Variants in WWOX observed in about 807,000 individuals in gnomAD.
WWOX encodes the protein WW domain-containing oxidoreductase.
A neutral mutation model predicts 46.2 loss-of-function variants in WWOX; 69 were observed. That is an observed-to-expected ratio of 1.49 (90% confidence interval 1.23 to 1.82). WWOX has a LOEUF of 1.82. Among genes scored for constraint, WWOX ranks in the 40% most tolerant of loss-of-function variants. The pLI, the probability that WWOX is intolerant of heterozygous loss-of-function variation, is 0.00. For synonymous variants in WWOX, 359 were observed against 202.6 expected, an observed-to-expected ratio of 1.77 and a Z score of -6.56; for missense variants, 919 against 542.6, an observed-to-expected ratio of 1.69 and a Z score of -6.89.
At chr16:78,229,100 C>T (rs113105941) in intron 5 of WWOX, among the ~76,000 whole-genome samples, 19 of 152,256 alleles carry the variant, frequency 1.2e-4, no homozygotes, top group African/African-American at 4.3e-4. Flanking sequence ...TCTGTAGCTT[C>T]TTCCAGCATG....
intron 8 of WWOX, among the ~76,000 whole-genome samples, chr16:79,037,711 A>G (rs1238852849): frequency 6.6e-6 from 1 of 152,126 alleles, no homozygotes; most frequent in Non-Finnish European, 1.5e-5. Context: ...AGCCAGGTAA[A>G]TATGTCATTG....
chr16:78,280,869 A>T (rs1487786519), intron 5 of WWOX: 1 of 152,790 alleles, frequency 6.5e-6, no homozygotes, highest in Non-Finnish European at 1.5e-5. Context: ...CTGAATCATC[A>T]GAATTGTGTA....
intron 7 of WWOX, among the ~76,000 whole-genome samples, chr16:78,429,213 A>G (rs2151382414): frequency 6.6e-6 from 1 of 152,334 alleles, no homozygotes; most frequent in South Asian, 2.1e-4. Context: ...TGGTGATGAC[A>G]GAGGAGCAAT....
At chr16:78,575,428 C>G (rs924499805) in intron 8 of WWOX, among the ~76,000 whole-genome samples, 1 of 151,508 alleles carries the variant, frequency 6.6e-6, no homozygotes, top group East Asian at 2.0e-4. Flanking sequence ...TTACACCTAC[C>G]CATTAGTCTA....
intron 8 of WWOX, among the ~76,000 whole-genome samples, chr16:79,149,224 T>G (rs1346396820): frequency 6.6e-6 from 1 of 152,222 alleles, no homozygotes; most frequent in African/African-American, 2.4e-5. Flanking sequence ...CCTAAATTAC[T>G]AAGAAACTTT....
At chr16:78,364,878 G>T (rs1421920319) in intron 5 of WWOX, among the ~76,000 whole-genome samples, 1 of 152,022 alleles carries the variant, frequency 6.6e-6, no homozygotes, top group Admixed American at 6.6e-5. Context: ...GCCTTTTTCT[G>T]ATTTTTCTTG....
chr16:78,625,575 T>A (rs1446716847), intron 8 of WWOX, among the ~76,000 whole-genome samples: 1 of 152,072 alleles, frequency 6.6e-6, no homozygotes, highest in Admixed American at 6.5e-5. Flanking sequence ...TAACGTCTTA[T>A]GTTATTTGGT....
intron 8 of WWOX, among the ~76,000 whole-genome samples, chr16:78,795,933 G>C (rs538358783): frequency 2.6e-5 from 4 of 152,188 alleles, no homozygotes; most frequent in African/African-American, 9.7e-5. Context: ...GAACGAAATG[G>C]AAGATAATTG....
chr16:79,139,675 C>G (rs1163539548), intron 8 of WWOX, among the ~76,000 whole-genome samples: 1 of 151,646 alleles, frequency 6.6e-6, no homozygotes, highest in African/African-American at 2.4e-5. Flanking sequence ...TTTAAAATCT[C>G]CAAATAATAA....
chr16:78,295,310 G>A (rs562824453), intron 5 of WWOX, among the ~76,000 whole-genome samples: 1 of 152,270 alleles, frequency 6.6e-6, no homozygotes, highest in Non-Finnish European at 1.5e-5. Flanking sequence ...AACAGCAGTT[G>A]GCGAGTTTAA....
At chr16:78,786,873 C>T (rs750874667) in intron 8 of WWOX, among the ~76,000 whole-genome samples, 36 of 152,138 alleles carry the variant, frequency 2.4e-4, no homozygotes, top group Admixed American at 6.5e-5. Flanking sequence ...TGGGGCTGGG[C>T]GTGGTGACTC....
At chr16:78,994,841 C>G (rs533629352) in intron 8 of WWOX, among the ~76,000 whole-genome samples, 129 of 151,826 alleles carry the variant, frequency 8.5e-4, no homozygotes, top group African/African-American at 2.7e-3. Flanking sequence ...CACTAGGGCT[C>G]TTTTCAGGAG....
At chr16:78,993,301 G>C (rs1224455764) in intron 8 of WWOX, among the ~76,000 whole-genome samples, 1 of 151,952 alleles carries the variant, frequency 6.6e-6, no homozygotes, top group Non-Finnish European at 1.5e-5. Flanking sequence ...CCCTGAAATT[G>C]CTTTTTATAA....
chr16:78,385,160 C>CACACACACACAA (rs1437530466), intron 5 of WWOX, among the ~76,000 whole-genome samples: 1 of 151,780 alleles, frequency 6.6e-6, no homozygotes. Context: ...CACACACACA[C>CACACACACACAA]AAAAGCACAG....
chr16:78,416,097 C>G (rs953252714), intron 6 of WWOX, among the ~76,000 whole-genome samples: 1 of 152,112 alleles, frequency 6.6e-6, no homozygotes, highest in Non-Finnish European at 1.5e-5. Context: ...AGATGAGAAT[C>G]CACCCAAGAA....
chr16:78,623,785 A>T (rs1388139693), intron 8 of WWOX, among the ~76,000 whole-genome samples: 7 of 151,804 alleles, frequency 4.6e-5, no homozygotes, highest in African/African-American at 7.3e-5. Flanking sequence ...ATTTTTCATT[A>T]TTTTCCACTA....
chr16:78,767,934 T>C (rs967505265), intron 8 of WWOX, among the ~76,000 whole-genome samples: 1 of 152,150 alleles, frequency 6.6e-6, no homozygotes, highest in Non-Finnish European at 1.5e-5. Context: ...ATGATAACCT[T>C]CCAGCACCAC....
chr16:78,500,818 C>A (rs577740931), intron 8 of WWOX, among the ~76,000 whole-genome samples: 1 of 152,076 alleles, frequency 6.6e-6, no homozygotes, highest in Non-Finnish European at 1.5e-5. Context: ...CAGTACAGAC[C>A]CAGAGAGCAT....
chr16:78,337,536 C>G (rs574311794), intron 5 of WWOX, among the ~76,000 whole-genome samples: 5 of 152,140 alleles, frequency 3.3e-5, no homozygotes, highest in Non-Finnish European at 7.4e-5. Flanking sequence ...GTTGTACATT[C>G]TATAGGTTTG....
Sources: gnomAD v4.1 joint callset for allele counts (sites outside exome capture counted in the v4.1 genomes callset) on GRCh38, gnomAD v4.1.1 for gene constraint, MANE v1.5 for transcripts, NCBI Gene and HGNC (gene_info 2026-07-23, HGNC 2026-07-21) for gene names.